Variants in CHRM3 observed in about 807,000 individuals in gnomAD.
CHRM3 encodes the protein cholinergic receptor muscarinic 3.
A neutral mutation model predicts 41.8 loss-of-function variants in CHRM3; 11 were observed. That is an observed-to-expected ratio of 0.26 (90% CI 0.17 to 0.44). CHRM3 has a LOEUF of 0.44. CHRM3 is among the 20% of genes least tolerant of loss of function. CHRM3 has a pLI of 1.00. For synonymous variants in CHRM3, 297 were observed against 301.4 expected (o/e 0.99, Z 0.15); for missense variants, 571 against 745.4 (o/e 0.77, Z 2.72).
intron 5 of CHRM3, among the ~76,000 whole-genome samples, chr1:239,812,630 G>A (rs1426939624): frequency 6.6e-6 from 1 of 152,064 alleles, no homozygotes; most frequent in East Asian, 1.9e-4. Context: ...TTCTACAGTG[G>A]CAAAACAAAA....
rs1672074941 is a variant in CHRM3, at chr1:239,649,799, C to T, written c.-250+17513C>T. Among the ~76,000 whole-genome samples the T allele has an allele frequency of 2.6e-5, 4 of 152,074 alleles. No individual in the cohort carries two copies. The South Asian group carries it at 8.3e-4, about 32-fold the overall frequency. ...GGGACAGAGGCAGAGTTCATGGGCA[C>T]AGATGCTGGTGGGTGAAGAGATAAG... On this transcript the variant is annotated intron_variant, in intron 4 of 6. Coordinates refer to ENST00000676153, the MANE Select transcript of CHRM3 (RefSeq NM_001375978.1).
intron 4 of CHRM3, among the ~76,000 whole-genome samples, chr1:239,658,025 G>T (rs1167966148): frequency 6.6e-6 from 1 of 152,098 alleles, no homozygotes; most frequent in Non-Finnish European, 1.5e-5. Context: ...TCCAGTCTGT[G>T]CCTTTCTTGT....
chr1:239,730,366 A>G (rs1339941250), intron 5 of CHRM3: 1 of 151,992 alleles, frequency 6.6e-6, no homozygotes, highest in Non-Finnish European at 1.5e-5. Flanking sequence ...CCCACAGTTT[A>G]ATAGAGGAGG....
At chr1:239,432,897 G>A (rs1044174351) in intron 1 of CHRM3, among the ~76,000 whole-genome samples, 4 of 152,018 alleles carry the variant, frequency 2.6e-5, no homozygotes, top group Non-Finnish European at 5.9e-5. Flanking sequence ...TGGTATTCTT[G>A]TTCCTCTAAT....
intron 2 of CHRM3, among the ~76,000 whole-genome samples, chr1:239,518,679 A>G (rs1669432504): frequency 6.6e-6 from 1 of 152,338 alleles, no homozygotes; most frequent in South Asian, 2.1e-4. Flanking sequence ...AGGTCATGAT[A>G]GGAAAATCTA....
At chr1:239,570,413 A>G (rs1023564518) in intron 3 of CHRM3, among the ~76,000 whole-genome samples, 12 of 152,170 alleles carry the variant, frequency 7.9e-5, no homozygotes, top group Non-Finnish European at 1.3e-4. Flanking sequence ...GTGATAACCA[A>G]CGAATACAGT....
chr1:239,437,287 T>C (rs775282355), intron 1 of CHRM3, among the ~76,000 whole-genome samples: 1 of 152,126 alleles, frequency 6.6e-6, no homozygotes, highest in Non-Finnish European at 1.5e-5. Context: ...CTTTTTAAAT[T>C]TTTTGTAGAG....
chr1:239,753,672 T>G (rs539643203), intron 5 of CHRM3, among the ~76,000 whole-genome samples: 3 of 152,194 alleles, frequency 2.0e-5, no homozygotes, highest in African/African-American at 4.8e-5. Context: ...CCAAACCATA[T>G]CAGATAGTAA....
chr1:239,706,229 GTTATTA>G (rs1198843804), intron 5 of CHRM3: 1 of 150,326 alleles, frequency 6.7e-6, no homozygotes, highest in African/African-American at 2.4e-5. Context: ...TTATAATTAT[GTTATTA>G]TTACATTCTA....
At chr1:239,398,599 T>G (rs1384361786) in intron 1 of CHRM3, among the ~76,000 whole-genome samples, 1 of 152,172 alleles carries the variant, frequency 6.6e-6, no homozygotes, top group Non-Finnish European at 1.5e-5. Context: ...ATTGGTATAG[T>G]TAATATGTCT....
At chr1:239,435,086 T>C (rs558620788) in intron 1 of CHRM3, among the ~76,000 whole-genome samples, 38 of 152,344 alleles carry the variant, frequency 2.5e-4, no homozygotes, top group Admixed American at 2.2e-3. Context: ...GAAAATCATA[T>C]GAAGTTATGT....
Position 239,575,578 on chromosome 1 carries a change from G to A in CHRM3, c.-313+29829G>A, listed in dbSNP as rs548207478. On this transcript the variant is annotated intron_variant, in intron 3 of 6. Transcript: ENST00000676153. ...TTTTTTGGGTTCTGTGCTAAAATAC[G>A]ACTCCATTCTAGAGGCTGGGAAAGC... is the stretch of plus-strand genomic sequence containing the variant. 2.4e-4 allele frequency among the ~76,000 whole-genome samples: 37 copies of A among 151,896 alleles called. No homozygotes were observed. In the South Asian group the frequency reaches 7.5e-3, roughly 31 times the overall value.
intron 5 of CHRM3, among the ~76,000 whole-genome samples, chr1:239,728,055 A>G (rs931630200): frequency 3.3e-5 from 5 of 151,982 alleles, no homozygotes; most frequent in Admixed American, 2.6e-4. Flanking sequence ...ATTGTAAACT[A>G]CCTTTTTGCC....
At chr1:239,622,069 C>T (rs889429470) in intron 3 of CHRM3, among the ~76,000 whole-genome samples, 1 of 152,120 alleles carries the variant, frequency 6.6e-6, no homozygotes, top group South Asian at 2.1e-4. Flanking sequence ...TGCCTGTGCT[C>T]TATAAATGGA....
intron 3 of CHRM3, among the ~76,000 whole-genome samples, chr1:239,554,737 T>TC (rs1660197554): frequency 1.3e-5 from 2 of 148,930 alleles, no homozygotes; most frequent in South Asian, 4.3e-4. Flanking sequence ...TTCTTTTTTT[T>TC]TTTTTTTTTT....
intron 3 of CHRM3, among the ~76,000 whole-genome samples, chr1:239,555,620 T>C (rs1272379612): frequency 1.3e-5 from 2 of 152,184 alleles, no homozygotes; most frequent in African/African-American, 4.8e-5. Flanking sequence ...CAGAAGTTAC[T>C]ACCCATTTCC....
At chr1:239,636,694 G>C (rs761616068) in intron 4 of CHRM3, among the ~76,000 whole-genome samples, 22 of 152,168 alleles carry the variant, frequency 1.4e-4, no homozygotes, top group Non-Finnish European at 2.6e-4. Flanking sequence ...CTGATCTGTT[G>C]AGGAGAAAAA....
intron 3 of CHRM3, among the ~76,000 whole-genome samples, chr1:239,547,869 A>G (rs1659444545): frequency 6.6e-6 from 1 of 151,336 alleles, no homozygotes; most frequent in Admixed American, 6.6e-5. Flanking sequence ...TTGAGTATGG[A>G]ATACTGAAAT....
chr1:239,597,707 T>C (rs1405081935), intron 3 of CHRM3, among the ~76,000 whole-genome samples: 1 of 151,854 alleles, frequency 6.6e-6, no homozygotes. Context: ...AAAATACAAA[T>C]ATGCTTTAGT....
Sources: gnomAD v4.1 joint callset for allele counts (sites outside exome capture counted in the v4.1 genomes callset) on GRCh38, gnomAD v4.1.1 for gene constraint, MANE v1.5 for transcripts, NCBI Gene and HGNC (gene_info 2026-07-23, HGNC 2026-07-21) for gene names.